AGTPBP1: variants seen among roughly 807,000 people sequenced by gnomAD.
The protein encoded by AGTPBP1 is ATP/GTP binding carboxypeptidase 1.
AGTPBP1 carries 70 observed loss-of-function variants against 143.9 expected under a neutral mutation model. The observed-to-expected ratio is 0.49, with a 90% CI of 0.40 to 0.59. The LOEUF (loss-of-function observed/expected upper bound fraction) is 0.59, where lower values mean the gene tolerates loss of function less well. Among genes scored for constraint, AGTPBP1 ranks in the 20% least tolerant of loss-of-function variants. The probability of loss-of-function intolerance (pLI) is 0.00; values close to 1 mark genes in which losing one functional copy is unlikely to be tolerated. For synonymous variants in AGTPBP1, 463 were observed against 500.2 expected (o/e 0.93, Z 0.99); for missense variants, 1,229 against 1,464.5 (o/e 0.84, Z 2.62).
At chr9:85,693,871 G>C (rs1049142286) in intron 2 of AGTPBP1, among the ~76,000 whole-genome samples, 17 of 151,950 alleles carry the variant, frequency 1.1e-4, no homozygotes, top group African/African-American at 4.1e-4. Flanking sequence ...TTAAGAACAG[G>C]CCTGAAAGAA....
chr9:85,611,713 CT>C (rs900302757), intron 17 of AGTPBP1, among the ~76,000 whole-genome samples: 1 of 152,126 alleles, frequency 6.6e-6, no homozygotes, highest in African/African-American at 2.4e-5. Flanking sequence ...CAGAGTCTCA[CT>C]ATGTCACCCA....
intron 2 of AGTPBP1, among the ~76,000 whole-genome samples, chr9:85,699,064 G>A (rs1836473644): frequency 1.3e-5 from 2 of 152,010 alleles, no homozygotes; most frequent in Admixed American, 1.3e-4. Flanking sequence ...GTAACAGTGA[G>A]AAAATTATGG....
chr9:85,678,925 T>C (rs147065176), intron 4 of AGTPBP1, among the ~76,000 whole-genome samples: 1 of 152,330 alleles, frequency 6.6e-6, no homozygotes, highest in East Asian at 1.9e-4. Context: ...GCTTCTTTAT[T>C]CTTTTTGAGG....
chr9:85,661,009 A>T (rs1431617786), intron 8 of AGTPBP1, 36 bp from the exon 9 acceptor site: 2 of 1,554,634 alleles, frequency 1.3e-6, no homozygotes, highest in Non-Finnish European at 1.7e-6. Flanking sequence ...ACAACAACAA[A>T]ACTAGTAAAA....
At chr9:85,570,769 G>C (rs1169275750) in intron 25 of AGTPBP1, among the ~76,000 whole-genome samples, 1 of 152,130 alleles carries the variant, frequency 6.6e-6, no homozygotes, top group Non-Finnish European at 1.5e-5. Flanking sequence ...TCAATGAATA[G>C]CTACTACATG....
intron 1 of AGTPBP1, among the ~76,000 whole-genome samples, chr9:85,715,154 G>A (rs1837623340): frequency 6.6e-6 from 1 of 152,008 alleles, no homozygotes; most frequent in Non-Finnish European, 1.5e-5. Flanking sequence ...GGCTGAGGCA[G>A]GAGAATCACT....
intron 1 of AGTPBP1, among the ~76,000 whole-genome samples, chr9:85,727,702 C>T (rs1258690626): frequency 1.3e-5 from 2 of 152,214 alleles, no homozygotes; most frequent in Non-Finnish European, 2.9e-5. Flanking sequence ...CTGAACAACT[C>T]TCTGCCAGGC....
At chr9:85,604,154 C>T (rs1006673298) in intron 17 of AGTPBP1, among the ~76,000 whole-genome samples, 1 of 151,486 alleles carries the variant, frequency 6.6e-6, no homozygotes, top group Non-Finnish European at 1.5e-5. Context: ...TTGCCATGGG[C>T]CTTGGGCAGG....
rs1334672154 is a variant in AGTPBP1, at chr9:85,655,138, C to T, written c.1087+5G>A. The T allele has an allele frequency of 6.2e-7, 1 of 1,604,388 alleles. No homozygotes were observed. The highest frequency in any genetic ancestry group is 8.5e-7 in the Non-Finnish European group (1 of 1,175,846). On this transcript the variant is annotated splice_donor_5th_base_variant and intron_variant, in intron 11 of 25. Coordinates refer to ENST00000357081, the MANE Select transcript of AGTPBP1 (RefSeq NM_001330701.2). ...CAAAAAGCAGCAGTGACCCTGTGATCCTACCTTCAGGAGGTAAGCTGTAGA... is the reference window on the plus strand; with the variant it reads ...CAAAAAGCAGCAGTGACCCTGTGATTCTACCTTCAGGAGGTAAGCTGTAGA...
At chr9:85,679,556 C>T (rs765364400) in intron 4 of AGTPBP1, among the ~76,000 whole-genome samples, 5 of 152,198 alleles carry the variant, frequency 3.3e-5, no homozygotes, top group African/African-American at 1.2e-4. Context: ...TACAGGCGTC[C>T]GCCACCACAT....
the AGTPBP1 span, among the ~76,000 whole-genome samples, chr9:85,803,360 C>G: frequency 1.3e-5 from 2 of 152,150 alleles, no homozygotes; most frequent in Non-Finnish European, 2.9e-5. Context: ...TCCAATTTAC[C>G]TTGTCTTGAT....
chr9:85,802,935 C>T, the AGTPBP1 span, among the ~76,000 whole-genome samples: 16 of 152,244 alleles, frequency 1.1e-4, no homozygotes, highest in Admixed American at 1.0e-3. Flanking sequence ...TAACTTAATA[C>T]TTGACCATAT....
At chr9:85,548,271 A>G (rs1289338157) in intron 25 of AGTPBP1, among the ~76,000 whole-genome samples, 1 of 152,214 alleles carries the variant, frequency 6.6e-6, no homozygotes, top group African/African-American at 2.4e-5. Context: ...CTGAGTATGA[A>G]ATTCAGTCCA....
chr9:85,646,182 A>T, intron 12 of AGTPBP1, 139 bp downstream of exon 12: 1 of 613,328 alleles, frequency 1.6e-6, no homozygotes, highest in Non-Finnish European at 2.8e-6. Context: ...CTACCCCTTT[A>T]ATTGCATAGT....
chr9:85,734,233 CAAAG>C (rs1382286578), intron 1 of AGTPBP1, among the ~76,000 whole-genome samples: 1 of 151,782 alleles, frequency 6.6e-6, no homozygotes, highest in East Asian at 1.9e-4. Flanking sequence ...AGCCTGGCGA[CAAAG>C]AGAGACTCCG....
chr9:85,720,042 G>A (rs1375582785), intron 1 of AGTPBP1, among the ~76,000 whole-genome samples: 2 of 152,166 alleles, frequency 1.3e-5, no homozygotes, highest in Non-Finnish European at 2.9e-5. Flanking sequence ...GCTTTTTCTT[G>A]TGCTGCTGGA....
At chr9:85,650,161 G>C (rs953937404) in intron 11 of AGTPBP1, among the ~76,000 whole-genome samples, 3 of 148,496 alleles carry the variant, frequency 2.0e-5, no homozygotes, top group Admixed American at 6.8e-5. Context: ...AAAGAAGCTT[G>C]ATTGCATATT....
chr9:85,778,378 T>C, the AGTPBP1 span, among the ~76,000 whole-genome samples: 1 of 152,166 alleles, frequency 6.6e-6, no homozygotes, highest in Non-Finnish European at 1.5e-5. Context: ...GGGGCCTTGC[T>C]CCAAAATCCT....
intron 1 of AGTPBP1, among the ~76,000 whole-genome samples, chr9:85,722,132 C>A (rs1162831849): frequency 6.6e-6 from 1 of 152,148 alleles, no homozygotes; most frequent in Non-Finnish European, 1.5e-5. Flanking sequence ...CTTGGTGAAT[C>A]TGACAATTAT....
Sources: gnomAD v4.1 joint callset for allele counts (sites outside exome capture counted in the v4.1 genomes callset) on GRCh38, gnomAD v4.1.1 for gene constraint, MANE v1.5 for transcripts, NCBI Gene and HGNC (gene_info 2026-07-23, HGNC 2026-07-21) for gene names.